Variants in APC observed in about 807,000 individuals in gnomAD.
APC encodes APC regulator of Wnt signaling pathway.
Under a neutral mutation model 247.0 loss-of-function variants are expected in APC, and 72 were observed. The observed-to-expected ratio is 0.29, with a 90% CI of 0.24 to 0.35. The LOEUF (loss-of-function observed/expected upper bound fraction) is 0.35. Ranked by LOEUF, APC falls within the 10% of genes least tolerant of loss-of-function variation. APC has a pLI of 1.00. For missense variants in APC, 3,400 were observed against 3,360.7 expected, an observed-to-expected ratio of 1.01 and a Z score of -0.29; for synonymous variants, 1,254 against 1,162.5, an observed-to-expected ratio of 1.08 and a Z score of -1.60.
intron 8 of APC, among the ~76,000 whole-genome samples, chr5:112,812,507 A>G (rs1385277207): frequency 6.6e-6 from 1 of 152,118 alleles, no homozygotes; most frequent in African/African-American, 2.4e-5. Flanking sequence ...AAACACAACT[A>G]TACCATATTC....
At chr5:112,727,041 G>T (rs1023872894) in intron 1 of APC, among the ~76,000 whole-genome samples, 1 of 151,628 alleles carries the variant, frequency 6.6e-6, no homozygotes, top group Non-Finnish European at 1.5e-5. Flanking sequence ...ATACTATTAG[G>T]TTGGTGCAAA....
rs587781464 is a variant in APC at position 112,801,360 on chromosome 5, A to T, written c.811A>T (p.Met271Leu). The T allele has an allele frequency of 6.2e-7, 1 of 1,611,598 alleles. No homozygotes were observed. Among genetic ancestry groups the T allele is most frequent in the Admixed American group, 1.7e-5 (1 of 59,944 alleles). ...AGGTCAAGGAGTGGGAGAAATCAAC[A>T]TGGCAACTTCTGGTAATGGTCAGGT... ...NEGQGVGEIN[M>L]ATSGNGQGST... Residue 271 changes from methionine (M) to leucine (L), a missense_variant, in exon 8 of 16, where the codon ATG becomes TTG. Met to Leu is a conservative substitution (Grantham distance 15). Coordinates refer to ENST00000257430, the MANE Select transcript of APC (RefSeq NM_000038.6).
intron 1 of APC, among the ~76,000 whole-genome samples, chr5:112,747,213 G>C (rs1481372320): frequency 6.7e-6 from 1 of 149,280 alleles, no homozygotes; most frequent in Admixed American, 6.8e-5. Context: ...TGATGTGAAA[G>C]ATACAGAGGC....
intron 9 of APC, among the ~76,000 whole-genome samples, chr5:112,816,312 A>C (rs1382378598): frequency 6.6e-6 from 1 of 152,238 alleles, no homozygotes; most frequent in Non-Finnish European, 1.5e-5. Flanking sequence ...GGAAATCAAG[A>C]AATGTTTTTT....
intron 1 of APC, chr5:112,738,436 G>A (rs1372161769): frequency 2.0e-6 from 2 of 985,768 alleles, no homozygotes; most frequent in East Asian, 1.1e-4. Context: ...GAGCTACTGG[G>A]GATGAGAGAA....
At position 112,776,237 on chromosome 5, in the gene APC, A is replaced by G. The variant is rs570377310; in HGVS notation, c.531+500A>G. Reference sequence around the variant, plus strand: ...TTTGTTTTGTCCACCAGTATTCACAATAAATTAACAGTATGCAGTTGAATA... The same window carrying G: ...TTTGTTTTGTCCACCAGTATTCACAGTAAATTAACAGTATGCAGTTGAATA... On this transcript the variant is annotated intron_variant, in intron 5 of 15. Coordinates refer to ENST00000257430, the MANE Select transcript of APC (RefSeq NM_000038.6). Among the ~76,000 whole-genome samples the G allele has an allele frequency of 9.8e-5, 15 of 152,366 alleles. No individual in the cohort carries two copies. In the East Asian group the frequency reaches 2.5e-3, roughly 25 times the overall value.
intron 5 of APC, 27 bp downstream of exon 5, chr5:112,775,764 T>C (rs780489621): frequency 1.1e-5 from 14 of 1,257,156 alleles, no homozygotes; most frequent in Non-Finnish European, 1.5e-5. Context: ...TACAACTTAT[T>C]TGAAACTTTA....
At chr5:112,750,032 G>T (rs56875042) in intron 1 of APC, among the ~76,000 whole-genome samples, 18 of 140,750 alleles carry the variant, frequency 1.3e-4, no homozygotes, top group Middle Eastern at 3.9e-3. Flanking sequence ...GCGCGATCTC[G>T]GCTCACTGCA....
chr5:112,718,434 C>G (rs1751299822), intron 1 of APC, among the ~76,000 whole-genome samples: 1 of 152,152 alleles, frequency 6.6e-6, no homozygotes, highest in South Asian at 2.1e-4. Context: ...CTTCTGGTTC[C>G]TTCTTTATTT....
intron 1 of APC, among the ~76,000 whole-genome samples, chr5:112,709,280 C>G (rs1338671139): frequency 6.6e-6 from 1 of 152,186 alleles, no homozygotes; most frequent in Admixed American, 6.5e-5. Context: ...TGTCTCATAA[C>G]ACATAATCTA....
At chr5:112,821,871 G>T in intron 10 of APC, 25 bp from the exon 11 acceptor site, 7 of 1,545,672 alleles carry the variant, frequency 4.5e-6, no homozygotes, top group Non-Finnish European at 5.4e-6. Flanking sequence ...AAAGCATTAT[G>T]GTTTATGTTG....
chr5:112,729,821 C>T (rs1297158724), intron 1 of APC, among the ~76,000 whole-genome samples: 1 of 152,208 alleles, frequency 6.6e-6, no homozygotes, highest in Non-Finnish European at 1.5e-5. Flanking sequence ...AATGCTGCCA[C>T]ATTTTGCATG....
intron 14 of APC, among the ~76,000 whole-genome samples, chr5:112,834,282 G>T (rs917227165): frequency 1.5e-5 from 2 of 129,896 alleles, no homozygotes; most frequent in African/African-American, 5.8e-5. Flanking sequence ...CGCTCTGTCA[G>T]CCAGGCTAGA....
In APC at chr5:112,810,567, C is replaced by T. The variant is rs75495165; in HGVS notation, c.835-4928C>T. Among the ~76,000 whole-genome samples the T allele has an allele frequency of 1.7e-3, 261 of 152,266 alleles. 2 individuals carry two copies. In the East Asian group the frequency reaches 0.047, roughly 27 times the overall value. ...ATATCGACAGCATCCTAAAGAGTTACGTAAGTTTCTCACATGCTCAAATTT... is the reference window on the plus strand; with the variant it reads ...ATATCGACAGCATCCTAAAGAGTTATGTAAGTTTCTCACATGCTCAAATTT... On this transcript the variant is annotated intron_variant, in intron 8 of 15. Transcript: ENST00000257430.
chr5:112,843,164 A>C lies in APC; in HGVS notation c.7570A>C (p.Lys2524Gln), dbSNP rs143060722. 8 of 1,613,746 alleles carry C rather than the reference A, an allele frequency of 5.0e-6. No individual in the cohort carries two copies. Among genetic ancestry groups the C allele is most frequent in the South Asian group, 1.1e-5 (1 of 91,074 alleles). ...TIEYNDGRPA[K>Q]RHDIARSHSE... is the part of the protein sequence containing the mutation. ...AGAGTATAATGATGGAAGACCAGCA[A>C]AGCGCCATGATATTGCACGGTCTCA... The change falls in exon 16 of 16, where the codon AAG (lysine) becomes CAG (glutamine). Residue 2524 changes from lysine (K) to glutamine (Q), a missense_variant. By Grantham distance (53) the Lys-to-Gln change is moderately conservative. Coordinates refer to ENST00000257430, the MANE Select transcript of APC (RefSeq NM_000038.6). This position sits in a 1 kb window ranked among gnomAD's most constrained non-coding sequence, Gnocchi z 4.8.
chr5:112,783,771 A>C (rs1297926288), intron 6 of APC: 3 of 346,430 alleles, frequency 8.7e-6, no homozygotes, highest in African/African-American at 6.6e-5. Context: ...CACTCAAAAA[A>C]AAAAAAAAAA....
chr5:112,797,590 T>C (rs1038515043), intron 7 of APC, among the ~76,000 whole-genome samples: 2 of 152,198 alleles, frequency 1.3e-5, no homozygotes, highest in Non-Finnish European at 2.9e-5. Context: ...GCTGTGACTT[T>C]CTTGTGTGTT....
intron 7 of APC, among the ~76,000 whole-genome samples, chr5:112,796,655 C>A (rs1760240619): frequency 6.6e-6 from 1 of 151,910 alleles, no homozygotes; most frequent in South Asian, 2.1e-4. Flanking sequence ...CTTTTCAGTT[C>A]TGTTGGTATT....
intron 1 of APC, among the ~76,000 whole-genome samples, chr5:112,750,152 C>T (rs1026109247): frequency 1.3e-5 from 2 of 150,988 alleles, no homozygotes; most frequent in African/African-American, 4.9e-5. Flanking sequence ...TAGTAGAGAT[C>T]GGGTTTCACC....
Sources: gnomAD v4.1 joint callset for allele counts (sites outside exome capture counted in the v4.1 genomes callset) on GRCh38, gnomAD v4.1.1 for gene constraint, Gnocchi (gnomAD v3.1) non-coding constraint, MANE v1.5 for transcripts, NCBI Gene and HGNC (gene_info 2026-07-23, HGNC 2026-07-21) for gene names.